FANCB: variants seen among roughly 807,000 people sequenced by gnomAD.
FANCB encodes the protein FA complementation group B.
In FANCB, 5 loss-of-function variants were observed where a neutral mutation model predicts 38.9. The ratio of observed to expected loss-of-function variants is 0.13; its 90% confidence interval spans 0.07 to 0.27. The LOEUF is 0.27. Among genes scored for constraint, FANCB ranks in the 10% least tolerant of loss-of-function variants. The pLI, the probability that FANCB is intolerant of heterozygous loss-of-function variation, is 1.00. For missense variants in FANCB, 573 were observed against 602.7 expected, an observed-to-expected ratio of 0.95 and a Z score of 0.52; for synonymous variants, 236 against 215.4, an observed-to-expected ratio of 1.10 and a Z score of -0.84.
rs759020755 is a variant in FANCB at position 14,843,594 on chromosome X, A to T, written c.2553T>A (p.Phe851Leu). 2 of 1,195,146 alleles carry T rather than the reference A, an allele frequency of 1.7e-6. No homozygotes were observed. The highest frequency in any genetic ancestry group is 2.3e-6 in the Non-Finnish European group (2 of 884,219). Residue 851 changes from phenylalanine to leucine, a missense_variant, in exon 10 of 10, where the codon TTT (phenylalanine) becomes TTA (leucine). Coordinates refer to ENST00000650831, the MANE Select transcript of FANCB (RefSeq NM_001018113.3). ...ATAAATTACTCAGTTTCTGTGCAGC[A>T]AAGTCTGATTTCAACTGAACCTCAG... ...KVAEVQLKSD[F>L]AAQKLSNL is the part of the protein sequence containing the mutation.
chrX:14,711,510 G>T, the FANCB span, among the ~76,000 whole-genome samples: 67 of 112,172 alleles, frequency 6.0e-4, no homozygotes, highest in African/African-American at 2.2e-3. Flanking sequence ...GCAGAAATTG[G>T]AGAGAGCATG....
chrX:14,744,611 C>T, the FANCB span, among the ~76,000 whole-genome samples: 1 of 75,917 alleles, frequency 1.3e-5, no homozygotes, highest in Non-Finnish European at 2.6e-5. Flanking sequence ...CTTCCCTTTC[C>T]CCTCAGGGGA....
At chrX:14,694,535 T>C in the FANCB span, among the ~76,000 whole-genome samples, 3 of 112,047 alleles carry the variant, frequency 2.7e-5, no homozygotes, top group Non-Finnish European at 3.8e-5. Context: ...AATAGGCTAT[T>C]GAGTGGATAG....
At chrX:14,775,158 ATGTTTTTTTTTT>A in the FANCB span, among the ~76,000 whole-genome samples, 311 of 28,476 alleles carry the variant, frequency 0.011, 2 homozygotes, top group African/African-American at 0.032. Flanking sequence ...TATTTCTCTA[ATGTTTTTTTTTT>A]TTTTTTTTTT....
downstream of FANCB, among the ~76,000 whole-genome samples, chrX:14,831,322 G>A (rs1260953746): frequency 8.9e-6 from 1 of 112,172 alleles, no homozygotes; most frequent in African/African-American, 3.2e-5. Flanking sequence ...TTACCTTTTG[G>A]AGTCAACAAG....
chrX:14,798,729 G>A, the FANCB span, among the ~76,000 whole-genome samples: 1 of 111,958 alleles, frequency 8.9e-6, no homozygotes, highest in Admixed American at 9.5e-5. Flanking sequence ...CTGACTTTGG[G>A]AGTGTGACGG....
the FANCB span, among the ~76,000 whole-genome samples, chrX:14,824,206 AATCTTTGG>A: frequency 1.9e-4 from 21 of 111,756 alleles, no homozygotes; most frequent in South Asian, 7.5e-3. Flanking sequence ...ATAAGAAATG[AATCTTTGG>A]GTTGGCCACA....
the FANCB span, among the ~76,000 whole-genome samples, chrX:14,721,512 C>T: frequency 0.026 from 2,931 of 111,118 alleles, 81 homozygotes; most frequent in East Asian, 0.12. Flanking sequence ...CCTTAATATT[C>T]GTAGAAGCTT....
At chrX:14,834,884 T>C, downstream of FANCB, 1 of 649,152 alleles carries the variant, frequency 1.5e-6, no homozygotes, top group Admixed American at 2.3e-5. Context: ...TGCTACCACT[T>C]CCAGGGACCA....
At chrX:14,839,069 G>A (rs776169835), downstream of FANCB, among the ~76,000 whole-genome samples, 4 of 111,107 alleles carry the variant, frequency 3.6e-5, no homozygotes, top group African/African-American at 1.3e-4. Flanking sequence ...CGAGGAGGGC[G>A]GATCACCTGA....
In FANCB at chrX:14,851,054, C is replaced by G. The variant is rs776403123; in HGVS notation, c.1327-380G>C. ...CTTGCACTAAGCCTATAACTGTAAA[C>G]TTTTGTATGAATAAAACTGATTAAA... On this transcript the variant is annotated intron_variant, in intron 6 of 9. Transcript: ENST00000650831. 6.3e-5 allele frequency among the ~76,000 whole-genome samples: 7 copies of G among 111,853 alleles called. 1 individual carries two copies. In the South Asian group the frequency reaches 2.6e-3, roughly 42 times the overall value.
the FANCB span, among the ~76,000 whole-genome samples, chrX:14,811,481 G>A: frequency 2.7e-5 from 3 of 110,790 alleles, no homozygotes; most frequent in Non-Finnish European, 5.7e-5. Flanking sequence ...GATCTACCAA[G>A]CCAATGGAAA....
At chrX:14,780,789 C>T in the FANCB span, among the ~76,000 whole-genome samples, 1 of 107,514 alleles carries the variant, frequency 9.3e-6, no homozygotes, top group Admixed American at 9.9e-5. Flanking sequence ...TCTCATGTGT[C>T]ACAAAATATT....
chrX:14,698,681 C>CAAA, the FANCB span, among the ~76,000 whole-genome samples: 16 of 21,136 alleles, frequency 7.6e-4, 1 homozygote, highest in African/African-American at 2.8e-3. Flanking sequence ...CTATCTATCT[C>CAAA]AAAAAAAAAA....
the FANCB span, among the ~76,000 whole-genome samples, chrX:14,819,475 TGA>T: frequency 1.1e-3 from 122 of 111,636 alleles, 1 homozygote; most frequent in African/African-American, 3.8e-3. Flanking sequence ...GCCGAGGATC[TGA>T]GAGGCAATTG....
At chrX:14,783,728 A>G in the FANCB span, among the ~76,000 whole-genome samples, 2 of 112,629 alleles carry the variant, frequency 1.8e-5, no homozygotes, top group African/African-American at 6.5e-5. Flanking sequence ...CACATATTTC[A>G]ATATGAAAAG....
At chrX:14,840,056 T>C (rs1439197415), downstream of FANCB, among the ~76,000 whole-genome samples, 1 of 111,740 alleles carries the variant, frequency 8.9e-6, no homozygotes, top group Non-Finnish European at 1.9e-5. Flanking sequence ...GGTTTCACCA[T>C]GTTGGCCAGG....
At chrX:14,789,678 T>A in the FANCB span, among the ~76,000 whole-genome samples, 2 of 111,686 alleles carry the variant, frequency 1.8e-5, no homozygotes, top group Non-Finnish European at 3.8e-5. Flanking sequence ...ACCTTTCAGT[T>A]TATGATGTTT....
At chrX:14,778,049 A>C in the FANCB span, among the ~76,000 whole-genome samples, 3 of 112,107 alleles carry the variant, frequency 2.7e-5, no homozygotes, top group Non-Finnish European at 3.8e-5. Flanking sequence ...AATAATAAGA[A>C]AGAAAATAAA....
Sources: gnomAD v4.1 joint callset for allele counts (sites outside exome capture counted in the v4.1 genomes callset) on GRCh38, gnomAD v4.1.1 for gene constraint, MANE v1.5 for transcripts, NCBI Gene and HGNC (gene_info 2026-07-23, HGNC 2026-07-21) for gene names.